The following RIPOR3 variants were observed in gnomAD, a reference collection of about 807,000 sequenced individuals.
The protein encoded by RIPOR3 is family with sequence similarity 65 member C.
RIPOR3 carries 95 observed loss-of-function variants against 114.3 expected under a neutral mutation model. The ratio of observed to expected loss-of-function variants is 0.83; its 90% CI spans 0.70 to 0.99. The LOEUF (loss-of-function observed/expected upper bound fraction) is 0.99, where lower values mean the gene tolerates loss of function less well. Among genes scored for constraint, RIPOR3 ranks in the 50% least tolerant of loss-of-function variants. The probability of loss-of-function intolerance (pLI) is 0.00; values close to 1 mark genes in which losing one functional copy is unlikely to be tolerated. For missense variants in RIPOR3, 1,252 were observed against 1,266.9 expected (o/e 0.99, Z 0.18); for synonymous variants, 575 against 543.8 (o/e 1.06, Z -0.80).
intron 1 of RIPOR3, among the ~76,000 whole-genome samples, chr20:50,690,050 T>C (rs796798083): frequency 5.9e-5 from 9 of 152,278 alleles, no homozygotes; most frequent in African/African-American, 2.2e-4. Flanking sequence ...CTGTCTCTTA[T>C]CTCTTGGCTG....
chr20:50,590,938 CA>C (rs2083087321), intron 19 of RIPOR3, among the ~76,000 whole-genome samples: 1 of 151,886 alleles, frequency 6.6e-6, no homozygotes. Flanking sequence ...CCCCCATACC[CA>C]AAAAACAAAA....
rs2084337164 is a variant in RIPOR3, at chr20:50,620,026, G to A, written c.229C>T (p.Gln77Ter). The change falls in exon 3 of 22, where the codon CAG (glutamine) becomes TAG (stop). Residue 77 changes from glutamine to a stop codon, truncating the protein, a stop_gained. Coordinates refer to ENST00000327979, the MANE Select transcript of RIPOR3 (RefSeq NM_001290268.2). LOFTEE classifies it high-confidence loss of function. ...GSVCADPKPQQVKKIFEALKR... is the reference protein window; with the variant it reads ...GSVCADPKPQ ...AATGCTTCGAAGATCTTCTTCACCT[G>A]CTGGGGCTTCGGGTCTGCACAGACC... 1 of 1,613,414 alleles carries A rather than the reference G, an allele frequency of 6.2e-7. No individual in the cohort carries two copies. Among genetic ancestry groups the A allele is most frequent in the Non-Finnish European group, 8.5e-7 (1 of 1,179,482 alleles).
At chr20:50,593,654 G>A (rs1300294466) in intron 17 of RIPOR3, among the ~76,000 whole-genome samples, 1 of 152,020 alleles carries the variant, frequency 6.6e-6, no homozygotes, top group Non-Finnish European at 1.5e-5. Context: ...AGTGTGCCCA[G>A]CTAGAGTCAG....
chr20:50,588,255 C>A (rs1008426259), intron 20 of RIPOR3, among the ~76,000 whole-genome samples: 1 of 152,378 alleles, frequency 6.6e-6, no homozygotes, highest in Non-Finnish European at 1.5e-5. Context: ...GCCAGTACTT[C>A]GCCCAACTCA....
Position 50,595,440 on chromosome 20 carries a change from T to C in RIPOR3, c.1979A>G (p.Gln660Arg). The change falls in exon 16 of 22, where the codon CAA (glutamine) becomes CGA (arginine). Residue 660 changes from glutamine to arginine, a missense_variant. Coordinates refer to ENST00000327979, the MANE Select transcript of RIPOR3 (RefSeq NM_001290268.2). Reference sequence around the variant, plus strand: ...AGAAAGTGTCTCCAGAACGTGCTTTTGCTGTGCCACTTCTTCCAGGAGGCA... The same window carrying C: ...AGAAAGTGTCTCCAGAACGTGCTTTCGCTGTGCCACTTCTTCCAGGAGGCA... Reference protein sequence around the residue: ...QECLLEEVAQQKHVLETLSVL... With the variant: ...QECLLEEVAQRKHVLETLSVL... The C allele has an allele frequency of 6.2e-7, 1 of 1,614,184 alleles. No individual in the cohort carries two copies. The highest frequency in any genetic ancestry group is 8.5e-7 in the Non-Finnish European group (1 of 1,180,018).
rs189801408 is a variant in RIPOR3 at position 50,606,877 on chromosome 20, G to A, written c.956+1512C>T. Reference sequence around the variant, plus strand: ...CCCAAGTAGCTGAAACTATAGGCCCGTGCCACCACGCCTGGCTAATTTTTG... The same window carrying A: ...CCCAAGTAGCTGAAACTATAGGCCCATGCCACCACGCCTGGCTAATTTTTG... On this transcript the variant is annotated intron_variant, in intron 11 of 21. Coordinates refer to ENST00000327979, the MANE Select transcript of RIPOR3 (RefSeq NM_001290268.2). 3.0e-3 allele frequency among the ~76,000 whole-genome samples: 456 copies of A among 152,070 alleles called. 3 individuals carry two copies. Among genetic ancestry groups the A allele is most frequent in the African/African-American group, 0.01 (432 of 41,476 alleles).
chr20:50,613,684 A>G (rs1332664347), intron 4 of RIPOR3, among the ~76,000 whole-genome samples: 1 of 152,154 alleles, frequency 6.6e-6, no homozygotes, highest in Non-Finnish European at 1.5e-5. Context: ...AGCAGCTAAA[A>G]CATACAAGTA....
intron 1 of RIPOR3, among the ~76,000 whole-genome samples, chr20:50,671,426 G>GCA (rs769289403): frequency 1.8e-5 from 2 of 112,556 alleles, no homozygotes; most frequent in African/African-American, 1.1e-4. Flanking sequence ...GCACGCGCGC[G>GCA]CGCACACACA....
Position 50,604,737 on chromosome 20 carries a change from G to A in RIPOR3, c.994C>T (p.Pro332Ser), listed in dbSNP as rs750871075. 5.6e-6 allele frequency: 9 copies of A among 1,609,216 alleles called. No homozygotes were observed. The highest frequency in any genetic ancestry group is 7.6e-6 in the Non-Finnish European group (9 of 1,178,112). Reference protein sequence around the residue: ...DTESFLVSPSPTGKFSMGSRK... With the variant: ...DTESFLVSPSSTGKFSMGSRK... Reference sequence around the variant, plus strand: ...CTGCCCATAGAAAACTTGCCCGTGGGGCTGGGTGACACCAGGAAGCTCTCA... The same window carrying A: ...CTGCCCATAGAAAACTTGCCCGTGGAGCTGGGTGACACCAGGAAGCTCTCA... The change falls in exon 12 of 22, where the codon CCC (proline) becomes TCC (serine). Residue 332 changes from proline to serine, a missense_variant. Transcript: ENST00000327979.
At chr20:50,618,262 C>G (rs2084255225) in intron 3 of RIPOR3, among the ~76,000 whole-genome samples, 1 of 109,676 alleles carries the variant, frequency 9.1e-6, no homozygotes. Context: ...CAGAGTGAGA[C>G]TCCGTCTCAA....
At chr20:50,685,303 G>A (rs1057084013) in intron 1 of RIPOR3, among the ~76,000 whole-genome samples, 2 of 139,982 alleles carry the variant, frequency 1.4e-5, no homozygotes, top group Admixed American at 8.0e-5. Flanking sequence ...TGCAACCTCC[G>A]CCTCCCAAGT....
Position 50,665,421 on chromosome 20 carries a change from C to CTTTTTTTTT in RIPOR3, c.3+25696_3+25704dup, listed in dbSNP as rs11471486. 1.0e-3 allele frequency among the ~76,000 whole-genome samples: 111 copies of CTTTTTTTTT among 107,834 alleles called. 5 individuals are homozygous for CTTTTTTTTT. Among genetic ancestry groups the CTTTTTTTTT allele is most frequent in the African/African-American group, 1.9e-3 (54 of 29,180 alleles). The allele number at this position is 107,834 out of a possible 152,430, so 70.7% of individuals were successfully genotyped here. On this transcript the variant is annotated intron_variant, in intron 1 of 21. Transcript: ENST00000327979. ...TACCTTGGCTCAGAGCCCCCTCTTC[C>CTTTTTTTTT]TTTTTTTTTTTTTTTTTGAGATGGA...
At chr20:50,643,547 G>T (rs554916755) in intron 1 of RIPOR3, among the ~76,000 whole-genome samples, 49 of 151,884 alleles carry the variant, frequency 3.2e-4, no homozygotes, top group Admixed American at 3.2e-3. Flanking sequence ...GAAAAAAAAA[G>T]TTGGGCACAT....
intron 1 of RIPOR3, chr20:50,653,232 C>A (rs1370771351): frequency 1.3e-5 from 2 of 152,054 alleles, no homozygotes; most frequent in Non-Finnish European, 2.9e-5. Flanking sequence ...GGTATGGCTC[C>A]ACGGACAAGC....
At chr20:50,642,368 G>GTA (rs2085234365) in intron 1 of RIPOR3, among the ~76,000 whole-genome samples, 1 of 151,154 alleles carries the variant, frequency 6.6e-6, no homozygotes, top group Non-Finnish European at 1.5e-5. Context: ...GTGTGTGTGT[G>GTA]TGTGTGTGTG....
intron 19 of RIPOR3, among the ~76,000 whole-genome samples, chr20:50,592,059 C>T (rs1030351606): frequency 6.6e-6 from 1 of 152,208 alleles, no homozygotes; most frequent in African/African-American, 2.4e-5. Context: ...TGGACTCCAG[C>T]CTGGGCAACA....
intron 4 of RIPOR3, among the ~76,000 whole-genome samples, chr20:50,611,433 CTCT>C (rs1184100067): frequency 2.6e-5 from 4 of 152,346 alleles, no homozygotes; most frequent in African/African-American, 9.6e-5. Context: ...CTAGGTCTGG[CTCT>C]TCTATTTCCC....
chr20:50,646,886 T>C (rs1316855921), intron 1 of RIPOR3, among the ~76,000 whole-genome samples: 3 of 152,228 alleles, frequency 2.0e-5, no homozygotes, highest in Non-Finnish European at 4.4e-5. Context: ...GATGATTTCG[T>C]TGGGAATGCA....
chr20:50,608,207 G>A (rs79446179), intron 11 of RIPOR3, among the ~76,000 whole-genome samples, 182 bp downstream of exon 11: 3,315 of 152,276 alleles, frequency 0.022, 46 homozygotes, highest in African/African-American at 0.04. Flanking sequence ...GGCAGGCAGG[G>A]GCTACAGAGA....
Sources: gnomAD v4.1 joint callset for allele counts (sites outside exome capture counted in the v4.1 genomes callset) on GRCh38, gnomAD v4.1.1 for gene constraint, MANE v1.5 for transcripts, NCBI Gene and HGNC (gene_info 2026-07-23, HGNC 2026-07-21) for gene names.